LARP4B: variants seen among roughly 807,000 people sequenced by gnomAD.
The protein encoded by LARP4B is la-related protein 4B.
A neutral mutation model predicts 89.8 loss-of-function variants in LARP4B; 12 were observed. That is an observed-to-expected ratio of 0.13 (90% CI 0.09 to 0.22). The LOEUF is 0.22. LARP4B is among the 10% of genes least tolerant of loss of function. The probability of loss-of-function intolerance (pLI) is 1.00; values close to 1 mark genes in which losing one functional copy is unlikely to be tolerated. For synonymous variants in LARP4B, 367 were observed against 363.3 expected (o/e 1.01, Z -0.12); for missense variants, 757 against 947.7 (o/e 0.80, Z 2.64).
At chr10:918,842 C>T (rs749430021) in intron 1 of LARP4B, among the ~76,000 whole-genome samples, 17 of 151,882 alleles carry the variant, frequency 1.1e-4, no homozygotes, top group Admixed American at 3.3e-4. Flanking sequence ...TTTGGGAGGC[C>T]GAGGTGGGTG....
At chr10:938,243 G>A in the LARP4B span, among the ~76,000 whole-genome samples, 5 of 138,054 alleles carry the variant, frequency 3.6e-5, no homozygotes, top group African/African-American at 1.3e-4. Context: ...TCTTGAATTG[G>A]TTCTTTTTCT....
chr10:859,769 C>T (rs996825366), intron 5 of LARP4B, among the ~76,000 whole-genome samples: 1 of 151,778 alleles, frequency 6.6e-6, no homozygotes, highest in Non-Finnish European at 1.5e-5. Flanking sequence ...TGAAAGAAAC[C>T]TATCTAAGAA....
At chr10:880,056 G>C (rs1835609240) in intron 3 of LARP4B, among the ~76,000 whole-genome samples, 1 of 152,026 alleles carries the variant, frequency 6.6e-6, no homozygotes, top group African/African-American at 2.4e-5. Flanking sequence ...TTACAGACAT[G>C]AGCCACCGCA....
chr10:981,501 T>C, the LARP4B span, among the ~76,000 whole-genome samples: 1 of 152,196 alleles, frequency 6.6e-6, no homozygotes, highest in Non-Finnish European at 1.5e-5. Context: ...CCAAACTATA[T>C]CACTAAGTAA....
At chr10:976,119 G>A in the LARP4B span, among the ~76,000 whole-genome samples, 1 of 141,112 alleles carries the variant, frequency 7.1e-6, no homozygotes, top group African/African-American at 2.6e-5. Context: ...GTCGTGCAAC[G>A]TGTGGACCCG....
At chr10:856,222 C>T (rs1342502771) in intron 5 of LARP4B, among the ~76,000 whole-genome samples, 1 of 152,148 alleles carries the variant, frequency 6.6e-6, no homozygotes, top group Admixed American at 6.5e-5. Context: ...GAACAAAGTA[C>T]ATTGCGTATC....
In LARP4B at chr10:812,729, G is replaced by T; in HGVS notation, c.*197C>A. ...TAAGCACCAACCTAAAATAAGGTTT[G>T]TATTAATTAAATCCTGAAAAATCGA... On this transcript the variant is annotated 3_prime_UTR_variant, in exon 18 of 18. Transcript: ENST00000316157. 1 of 409,182 alleles carries T rather than the reference G, an allele frequency of 2.4e-6. No homozygotes were observed. The allele number at this position is 409,182 out of a possible 1,614,324, so 25.3% of individuals were successfully genotyped here.
chr10:825,427 G>T, intron 12 of LARP4B, 111 bp from the exon 13 acceptor site: 1 of 1,069,214 alleles, frequency 9.4e-7, no homozygotes, highest in Non-Finnish European at 1.3e-6. Context: ...GTTTAATAAA[G>T]TATAAAAATA....
chr10:935,517 A>G (rs759916939), upstream of LARP4B, among the ~76,000 whole-genome samples: 2 of 151,972 alleles, frequency 1.3e-5, no homozygotes, highest in Non-Finnish European at 2.9e-5. Flanking sequence ...AGCTCTGTTG[A>G]GCTACATCAC....
the LARP4B span, among the ~76,000 whole-genome samples, chr10:967,349 C>T: frequency 2.6e-5 from 4 of 152,060 alleles, no homozygotes; most frequent in South Asian, 2.1e-4. Context: ...TAAAAAGGAA[C>T]GTATGAAAGG....
intron 1 of LARP4B, among the ~76,000 whole-genome samples, chr10:916,564 G>A (rs12781329): frequency 0.13 from 19,312 of 152,022 alleles, 1,617 homozygotes; most frequent in Non-Finnish European, 0.19. Flanking sequence ...GCGTGGTGGC[G>A]CATGCCTGTA....
At chr10:809,332 G>C (rs1323312079), downstream of LARP4B, 1 of 152,256 alleles carries the variant, frequency 6.6e-6, no homozygotes, top group African/African-American at 2.4e-5. Context: ...ATGAGCATCT[G>C]ATGTTAATGC....
the LARP4B span, among the ~76,000 whole-genome samples, chr10:975,868 G>A: frequency 6.6e-6 from 1 of 150,408 alleles, no homozygotes; most frequent in Admixed American, 6.6e-5. Flanking sequence ...GGCCTGTCAC[G>A]TAATGTGTGG....
At chr10:931,945 C>T (rs573323851), upstream of LARP4B, among the ~76,000 whole-genome samples, 1 of 149,122 alleles carries the variant, frequency 6.7e-6, no homozygotes, top group East Asian at 2.0e-4. Flanking sequence ...GCGCACATCG[C>T]CCCGCCCCGC....
At chr10:970,654 T>G in the LARP4B span, among the ~76,000 whole-genome samples, 7 of 152,158 alleles carry the variant, frequency 4.6e-5, no homozygotes, top group Non-Finnish European at 1.0e-4. Flanking sequence ...ACAGGGAAAA[T>G]TCAGCCGTGT....
intron 1 of LARP4B, among the ~76,000 whole-genome samples, chr10:912,960 G>T (rs1836711925): frequency 6.6e-6 from 1 of 152,146 alleles, no homozygotes; most frequent in South Asian, 2.1e-4. Flanking sequence ...CTCCCTTCCT[G>T]CACTCAAGCC....
At chr10:944,749 A>G in the LARP4B span, among the ~76,000 whole-genome samples, 6 of 151,860 alleles carry the variant, frequency 4.0e-5, no homozygotes, top group East Asian at 5.8e-4. Flanking sequence ...TCCCATCTTG[A>G]AGTCCTGGCC....
intron 14 of LARP4B, chr10:820,571 G>T (rs959029573): frequency 9.9e-6 from 5 of 504,918 alleles, no homozygotes; most frequent in Non-Finnish European, 1.1e-5. Flanking sequence ...AGCACAACAC[G>T]CCTGTGCACT....
intron 14 of LARP4B, chr10:819,651 A>T (rs115311323): frequency 6.6e-6 from 1 of 152,272 alleles, no homozygotes; most frequent in African/African-American, 2.4e-5. Flanking sequence ...ACATCACGGC[A>T]GGCACAACAG....
Sources: gnomAD v4.1 joint callset for allele counts (sites outside exome capture counted in the v4.1 genomes callset) on GRCh38, gnomAD v4.1.1 for gene constraint, MANE v1.5 for transcripts, NCBI Gene and HGNC (gene_info 2026-07-23, HGNC 2026-07-21) for gene names.